The following CACNA2D3 variants were observed in gnomAD, a reference collection of about 807,000 sequenced individuals.
The protein encoded by CACNA2D3 is voltage-dependent calcium channel subunit alpha-2/delta-3.
CACNA2D3 carries 60 observed loss-of-function variants against 160.6 expected under a neutral mutation model. The ratio of observed to expected loss-of-function variants is 0.37; its 90% CI spans 0.30 to 0.46. The LOEUF (loss-of-function observed/expected upper bound fraction) is 0.46. CACNA2D3 is among the 20% of genes least tolerant of loss of function. CACNA2D3 has a pLI of 1.00. For synonymous variants in CACNA2D3, 558 were observed against 492.9 expected (o/e 1.13, Z -1.75); for missense variants, 1,205 against 1,365.0 (o/e 0.88, Z 1.85).
intron 29 of CACNA2D3, among the ~76,000 whole-genome samples, chr3:54,977,336 A>G (rs1215503359): frequency 1.3e-5 from 2 of 152,144 alleles, no homozygotes; most frequent in African/African-American, 2.4e-5. Context: ...TAATGTGCCA[A>G]TGGCTTCCTG....
At chr3:54,674,880 C>T (rs556011815) in intron 11 of CACNA2D3, among the ~76,000 whole-genome samples, 10 of 152,134 alleles carry the variant, frequency 6.6e-5, no homozygotes, top group African/African-American at 1.4e-4. Flanking sequence ...CAGTAGAAGT[C>T]GGGTAGAAGA....
At chr3:54,777,622 C>T (rs1702448740) in intron 13 of CACNA2D3, among the ~76,000 whole-genome samples, 1 of 152,192 alleles carries the variant, frequency 6.6e-6, no homozygotes, top group African/African-American at 2.4e-5. Flanking sequence ...ATTGATTTCT[C>T]TTCTGAAGTG....
At chr3:54,262,189 G>C (rs4533688) in intron 2 of CACNA2D3, among the ~76,000 whole-genome samples, 27,743 of 152,156 alleles carry the variant, frequency 0.18, 2,930 homozygotes, top group South Asian at 0.25. Flanking sequence ...TGATGTGTTT[G>C]CTTTGGCGGC....
Position 54,821,697 on chromosome 3 carries a change from T to TTTCTTTCTTTCCTTCCTTCCTTCC in CACNA2D3, c.1398+4830_1398+4831insTTTCTTTCCTTCCTTCCTTCCTTC, listed in dbSNP as rs753240626. On this transcript the variant is annotated intron_variant, in intron 14 of 37. Transcript: ENST00000474759. Reference sequence around the variant, plus strand: ...CTTTCTTTCTTTCTTTCTTTCTTTCTTTCCTTCCTTCCTTCTTTCCTCTCT... The same window carrying TTTCTTTCTTTCCTTCCTTCCTTCC: ...CTTTCTTTCTTTCTTTCTTTCTTTCTTTCTTTCTTTCCTTCCTTCCTTCCTTCCTTCCTTCCTTCTTTCCTCTCT... Among the ~76,000 whole-genome samples the TTTCTTTCTTTCCTTCCTTCCTTCC allele has an allele frequency of 7.1e-5, 6 of 84,142 alleles. No individual in the cohort carries two copies. The East Asian group carries it at 9.8e-4, about 14-fold the overall frequency. The allele number at this position is 84,142 out of a possible 152,430, so 55.2% of individuals were successfully genotyped here.
intron 13 of CACNA2D3, among the ~76,000 whole-genome samples, chr3:54,807,443 C>T (rs535566514): frequency 1.3e-5 from 2 of 152,306 alleles, no homozygotes; most frequent in East Asian, 1.9e-4. Context: ...AGCCAAAAAA[C>T]ACATGAAAAA....
At chr3:54,249,467 C>G (rs531446002) in intron 2 of CACNA2D3, among the ~76,000 whole-genome samples, 6 of 151,946 alleles carry the variant, frequency 3.9e-5, no homozygotes, top group Non-Finnish European at 8.8e-5. Flanking sequence ...CAGTGGCTCT[C>G]CTGGGTCTCC....
At chr3:55,064,631 A>G (rs1176982951) in intron 35 of CACNA2D3, among the ~76,000 whole-genome samples, 1 of 152,198 alleles carries the variant, frequency 6.6e-6, no homozygotes, top group Non-Finnish European at 1.5e-5. Flanking sequence ...TAAGACAGCC[A>G]TGCCTGCAGA....
At chr3:54,687,122 T>TTTTTC (rs1559549364) in intron 11 of CACNA2D3, among the ~76,000 whole-genome samples, 35 of 22,344 alleles carry the variant, frequency 1.6e-3, no homozygotes, top group African/African-American at 4.7e-3. Context: ...TTTCTTTTTC[T>TTTTTC]TTTTTTTTTT....
intron 4 of CACNA2D3, among the ~76,000 whole-genome samples, chr3:54,454,773 T>TA (rs1379978676): frequency 6.6e-6 from 1 of 152,142 alleles, no homozygotes; most frequent in Non-Finnish European, 1.5e-5. Context: ...CCACCTCTAA[T>TA]AACCATTATT....
chr3:54,919,834 G>T (rs1212928403), intron 27 of CACNA2D3, among the ~76,000 whole-genome samples: 2 of 152,228 alleles, frequency 1.3e-5, no homozygotes, highest in Non-Finnish European at 2.9e-5. Flanking sequence ...CAGACTCACA[G>T]AGGTCACGAG....
At chr3:54,256,701 G>A (rs574788431) in intron 2 of CACNA2D3, among the ~76,000 whole-genome samples, 54 of 141,350 alleles carry the variant, frequency 3.8e-4, no homozygotes, top group Non-Finnish European at 7.1e-4. Context: ...CATCAACATC[G>A]AAATAAAGCA....
chr3:54,489,747 C>T (rs1477988144), intron 4 of CACNA2D3, among the ~76,000 whole-genome samples: 1 of 152,150 alleles, frequency 6.6e-6, no homozygotes, highest in Non-Finnish European at 1.5e-5. Context: ...TCATAAGTGG[C>T]TTGTTAAGTA....
chr3:54,854,247 A>G (rs1342818287), intron 17 of CACNA2D3, among the ~76,000 whole-genome samples: 1 of 152,094 alleles, frequency 6.6e-6, no homozygotes, highest in Non-Finnish European at 1.5e-5. Context: ...GAAATACATC[A>G]TTTGGTTTGA....
chr3:54,461,792 T>G (rs1700510264), intron 4 of CACNA2D3, among the ~76,000 whole-genome samples: 1 of 152,104 alleles, frequency 6.6e-6, no homozygotes, highest in African/African-American at 2.4e-5. Flanking sequence ...TCTGCTCTGA[T>G]TTTAGTTATT....
At position 54,879,347 on chromosome 3, in the gene CACNA2D3, T is replaced by C; in HGVS notation, c.1783-3T>C. On this transcript the variant is annotated splice_region_variant and splice_polypyrimidine_tract_variant and intron_variant, in intron 19 of 37. Coordinates refer to ENST00000474759, the MANE Select transcript of CACNA2D3 (RefSeq NM_018398.3). ...TACGACTTTTTTTTTTTTTTCAATC[T>C]AGAAACGGGTTTTGGTGATGACAAA... 1 of 1,591,892 alleles carries C rather than the reference T, an allele frequency of 6.3e-7. No homozygotes were observed. Among genetic ancestry groups the C allele is most frequent in the African/African-American group, 1.4e-5 (1 of 73,602 alleles).
chr3:54,536,502 A>C (rs1000834243), intron 5 of CACNA2D3, among the ~76,000 whole-genome samples: 2 of 152,060 alleles, frequency 1.3e-5, no homozygotes, highest in Non-Finnish European at 2.9e-5. Context: ...TATGATGGGA[A>C]CTCCTCCAGA....
intron 4 of CACNA2D3, among the ~76,000 whole-genome samples, chr3:54,463,181 C>T (rs373534336): frequency 2.0e-4 from 31 of 152,062 alleles, no homozygotes; most frequent in South Asian, 1.5e-3. Context: ...GTGGGTAACC[C>T]GACCTTTCTC....
chr3:54,337,520 T>C (rs1393369805), intron 3 of CACNA2D3, among the ~76,000 whole-genome samples: 2 of 152,208 alleles, frequency 1.3e-5, no homozygotes, highest in Non-Finnish European at 2.9e-5. Context: ...TAAGTTCTGC[T>C]GTCTCTGCAT....
In CACNA2D3 at chr3:54,472,515, A is replaced by G. The variant is rs144874335; in HGVS notation, c.382-30977A>G. On this transcript the variant is annotated intron_variant, in intron 4 of 37. Coordinates refer to ENST00000474759, the MANE Select transcript of CACNA2D3 (RefSeq NM_018398.3). Reference sequence around the variant, plus strand: ...CTCTCTCACCACTCCTATTCAACATAGTATTGGAAGTTCTGGCTAGGGCAG... The same window carrying G: ...CTCTCTCACCACTCCTATTCAACATGGTATTGGAAGTTCTGGCTAGGGCAG... 3.1e-3 allele frequency among the ~76,000 whole-genome samples: 465 copies of G among 152,334 alleles called. 1 individual carries two copies. The highest frequency in any genetic ancestry group is 5.2e-3 in the Admixed American group (79 of 15,292).
Sources: gnomAD v4.1 joint callset for allele counts (sites outside exome capture counted in the v4.1 genomes callset) on GRCh38, gnomAD v4.1.1 for gene constraint, MANE v1.5 for transcripts, NCBI Gene and HGNC (gene_info 2026-07-23, HGNC 2026-07-21) for gene names.